FOXP1: variants seen among roughly 807,000 people sequenced by gnomAD.
FOXP1 encodes forkhead box P1.
A neutral mutation model predicts 98.2 loss-of-function variants in FOXP1; 15 were observed. That is an observed-to-expected ratio of 0.15 (90% confidence interval 0.10 to 0.24). FOXP1 has a LOEUF of 0.24. FOXP1 is among the 10% of genes least tolerant of loss of function. The probability of loss-of-function intolerance (pLI) is 1.00; values close to 1 mark genes in which losing one functional copy is unlikely to be tolerated. For synonymous variants in FOXP1, 371 were observed against 314.5 expected (o/e 1.18, Z -1.90); for missense variants, 633 against 848.5 (o/e 0.75, Z 3.15).
At chr3:70,983,804 C>T (rs758489101) in intron 14 of FOXP1, among the ~76,000 whole-genome samples, 5 of 152,078 alleles carry the variant, frequency 3.3e-5, no homozygotes, top group Admixed American at 6.5e-5. Context: ...TTAAGAAATC[C>T]GTAGTAATTT....
Position 71,236,362 on chromosome 3 carries a change from CCA to C in FOXP1, c.-11-37972_-11-37971del, listed in dbSNP as rs1167744012. Among the ~76,000 whole-genome samples the C allele has an allele frequency of 7.2e-5, 11 of 152,282 alleles. No individual in the cohort carries two copies. In the East Asian group the frequency reaches 2.1e-3, roughly 29 times the overall value. ...GTATTTCCTGAGCCTCTGCTATGGGCCAAGTTCTCTGTAACATGCTTTCATTG... is the reference window on the plus strand; with the variant it reads ...GTATTTCCTGAGCCTCTGCTATGGGCAGTTCTCTGTAACATGCTTTCATTG... On this transcript the variant is annotated intron_variant, in intron 5 of 20. Transcript: ENST00000649528.
rs116199111 is a variant in FOXP1 at position 71,168,705 on chromosome 3, C to T, written c.180+29497G>A. Among the ~76,000 whole-genome samples the T allele has an allele frequency of 1.9e-3, 295 of 152,340 alleles. 2 individuals are homozygous for T. Among genetic ancestry groups the T allele is most frequent in the African/African-American group, 6.9e-3 (286 of 41,586 alleles). On this transcript the variant is annotated intron_variant, in intron 6 of 20. Transcript: ENST00000649528. ...TAGAGCCATTTCTTCAGACAAACAGCACTTACTTGAACAGTGAAATGTTTA... is the reference window on the plus strand; with the variant it reads ...TAGAGCCATTTCTTCAGACAAACAGTACTTACTTGAACAGTGAAATGTTTA...
chr3:71,104,236 C>T (rs1000089994), intron 7 of FOXP1, among the ~76,000 whole-genome samples: 10 of 152,142 alleles, frequency 6.6e-5, no homozygotes, highest in Admixed American at 2.0e-4. Context: ...TAACAGAACA[C>T]TAAAACCAAT....
intron 5 of FOXP1, among the ~76,000 whole-genome samples, chr3:71,266,809 G>T (rs898070046): frequency 6.6e-6 from 1 of 152,108 alleles, no homozygotes; most frequent in African/African-American, 2.4e-5. Context: ...ACTTGTAAGT[G>T]AGAACATGTG....
At chr3:71,046,614 CTT>C in intron 10 of FOXP1, among the ~76,000 whole-genome samples, 1 of 152,190 alleles carries the variant, frequency 6.6e-6, no homozygotes, top group Admixed American at 6.5e-5. Context: ...AGGAAAATTC[CTT>C]TGTGGTTCCA....
chr3:71,465,904 T>C (rs1261997572), intron 3 of FOXP1, among the ~76,000 whole-genome samples: 1 of 152,152 alleles, frequency 6.6e-6, no homozygotes, highest in Admixed American at 6.5e-5. Flanking sequence ...GTGAGGGATC[T>C]AGGTTGTGCA....
chr3:70,999,082 G>C (rs2041779856), intron 13 of FOXP1, among the ~76,000 whole-genome samples: 1 of 152,068 alleles, frequency 6.6e-6, no homozygotes, highest in Admixed American at 6.6e-5. Context: ...TGGTAGGAAG[G>C]TAGTTTATTC....
intron 6 of FOXP1, among the ~76,000 whole-genome samples, chr3:71,185,276 TAAAAAC>T (rs1045208358): frequency 1.3e-5 from 2 of 151,898 alleles, no homozygotes; most frequent in African/African-American, 4.8e-5. Flanking sequence ...ATTACAAACT[TAAAAAC>T]AGAATCAAGA....
At chr3:70,965,034 C>T (rs577113606) in intron 20 of FOXP1, among the ~76,000 whole-genome samples, 16 of 152,326 alleles carry the variant, frequency 1.1e-4, no homozygotes, top group Non-Finnish European at 2.2e-4. Flanking sequence ...GTACTGCAAA[C>T]ACGAAATGGG....
At chr3:71,021,497 G>A (rs1287542991) in intron 11 of FOXP1, among the ~76,000 whole-genome samples, 1 of 152,212 alleles carries the variant, frequency 6.6e-6, no homozygotes, top group Non-Finnish European at 1.5e-5. Flanking sequence ...GTGCTGGTAT[G>A]AAGGTGTATG....
chr3:71,144,043 A>G (rs1396093675), intron 6 of FOXP1, among the ~76,000 whole-genome samples: 1 of 152,164 alleles, frequency 6.6e-6, no homozygotes, highest in Non-Finnish European at 1.5e-5. Context: ...TTACATGAAT[A>G]GGAAAAAAAA....
At chr3:71,434,140 T>C (rs1334961875) in intron 3 of FOXP1, among the ~76,000 whole-genome samples, 2 of 152,132 alleles carry the variant, frequency 1.3e-5, no homozygotes, top group African/African-American at 4.8e-5. Context: ...AGTCCTGACT[T>C]TTAAGGAGTT....
At chr3:71,429,229 G>C in intron 3 of FOXP1, among the ~76,000 whole-genome samples, 1 of 152,048 alleles carries the variant, frequency 6.6e-6, no homozygotes. Context: ...ATTCCCAAGG[G>C]GACACTGAAG....
chr3:71,549,219 C>T (rs1427215240), intron 2 of FOXP1, among the ~76,000 whole-genome samples: 1 of 152,166 alleles, frequency 6.6e-6, no homozygotes, highest in African/African-American at 2.4e-5. Context: ...CCACTTAGAA[C>T]TAACACAACC....
intron 2 of FOXP1, among the ~76,000 whole-genome samples, chr3:71,514,397 C>T (rs989838827): frequency 6.6e-6 from 1 of 152,216 alleles, no homozygotes; most frequent in Non-Finnish European, 1.5e-5. Flanking sequence ...TTTTCTTCTC[C>T]TGCACACCCC....
At chr3:71,014,169 T>C (rs1018568298) in intron 12 of FOXP1, among the ~76,000 whole-genome samples, 3 of 152,042 alleles carry the variant, frequency 2.0e-5, no homozygotes, top group African/African-American at 4.8e-5. Context: ...CTAATTAAAC[T>C]AAAAAGCTTC....
chr3:71,138,805 T>TAATA (rs1010739295), intron 6 of FOXP1, among the ~76,000 whole-genome samples: 1 of 152,192 alleles, frequency 6.6e-6, no homozygotes, highest in Non-Finnish European at 1.5e-5. Flanking sequence ...TAGATCTCTT[T>TAATA]AAATCTTTGA....
At chr3:71,076,114 G>A (rs574972295) in intron 7 of FOXP1, among the ~76,000 whole-genome samples, 8 of 152,106 alleles carry the variant, frequency 5.3e-5, no homozygotes, top group African/African-American at 1.9e-4. Context: ...TGGAATCTTC[G>A]GCCTATATTT....
At chr3:71,251,158 A>G (rs1402440176) in intron 5 of FOXP1, among the ~76,000 whole-genome samples, 1 of 152,160 alleles carries the variant, frequency 6.6e-6, no homozygotes, top group African/African-American at 2.4e-5. Context: ...TTCTTTTTTC[A>G]CTGTTAGAAA....
Sources: allele counts gnomAD v4.1 joint callset (sites outside exome capture counted in the v4.1 genomes callset), GRCh38; gene constraint gnomAD v4.1.1; transcripts MANE v1.5; gene names NCBI Gene and HGNC (gene_info 2026-07-23, HGNC 2026-07-21).